CBX3: variants seen among roughly 807,000 people sequenced by gnomAD.
CBX3 encodes chromobox 3.
Under a neutral mutation model 22.6 loss-of-function variants are expected in CBX3, and 5 were observed. That is an observed-to-expected ratio of 0.22 (90% CI 0.12 to 0.47). The LOEUF is 0.47. Among genes scored for constraint, CBX3 ranks in the 20% least tolerant of loss-of-function variants. The pLI, the probability that CBX3 is intolerant of heterozygous loss-of-function variation, is 0.99. For synonymous variants in CBX3, 50 were observed against 66.6 expected, an observed-to-expected ratio of 0.75 and a Z score of 1.21; for missense variants, 83 against 208.1, an observed-to-expected ratio of 0.40 and a Z score of 3.70.
intron 4 of CBX3, among the ~76,000 whole-genome samples, chr7:26,209,533 G>A (rs964557055): frequency 2.6e-5 from 4 of 152,150 alleles, no homozygotes; most frequent in Middle Eastern, 3.4e-3. Context: ...TCCATCAATG[G>A]CATTGACCAC....
upstream of CBX3, chr7:26,201,640 C>T (rs1481587754): frequency 1.4e-5 from 2 of 146,468 alleles, no homozygotes; most frequent in African/African-American, 5.0e-5. Context: ...CGGCCCCTCC[C>T]CCCGCCGGGC....
intron 2 of CBX3, among the ~76,000 whole-genome samples, chr7:26,204,604 C>T (rs1341338824): frequency 6.6e-6 from 1 of 152,018 alleles, no homozygotes; most frequent in Non-Finnish European, 1.5e-5. Context: ...CTTGAAATGC[C>T]CTTTTGCAGT....
At chr7:26,203,231 A>C (rs1432032392) in intron 2 of CBX3, among the ~76,000 whole-genome samples, 2 of 152,242 alleles carry the variant, frequency 1.3e-5, no homozygotes, top group African/African-American at 2.4e-5. Context: ...AGTTCAAAGA[A>C]GGCTAATCTT....
At chr7:26,202,362 G>A (rs1030841722) in intron 1 of CBX3, 1 of 152,392 alleles carries the variant, frequency 6.6e-6, no homozygotes, top group Non-Finnish European at 1.5e-5. Flanking sequence ...CGCTGACCAC[G>A]AGGCCCGCGC....
intron 4 of CBX3, among the ~76,000 whole-genome samples, chr7:26,211,269 T>G (rs1450507594): frequency 6.6e-6 from 1 of 152,182 alleles, no homozygotes; most frequent in African/African-American, 2.4e-5. Context: ...CCGTTTGTGT[T>G]TTGTTTATGC....
chr7:26,205,594 TG>T (rs1459653625), intron 2 of CBX3, among the ~76,000 whole-genome samples: 1 of 152,176 alleles, frequency 6.6e-6, no homozygotes, highest in African/African-American at 2.4e-5. Context: ...TCTGTATCAT[TG>T]ATGCTTTTGA....
At position 26,208,238 on chromosome 7, in the gene CBX3, G is replaced by C. The variant is rs539412704; in HGVS notation, c.168-155G>C. ...CCCTGTCTCTGGCGGAGGCAGGCTGGGGGGTGGGGTAATGTAGGGAAGGAG... is the reference window on the plus strand; with the variant it reads ...CCCTGTCTCTGGCGGAGGCAGGCTGCGGGGTGGGGTAATGTAGGGAAGGAG... On this transcript the variant is annotated intron_variant, in intron 3 of 5. Transcript: ENST00000396386. 2.6e-5 allele frequency: 13 copies of C among 509,524 alleles called. No homozygotes were observed. In the Admixed American group the frequency reaches 2.6e-4, roughly 10 times the overall value. 31.6% of individuals were successfully genotyped at this position (509,524 alleles called of 1,614,324 possible). A position where few individuals can be genotyped will look rare whatever the true frequency, so the allele number is the denominator to read the frequency against.
chr7:26,207,155 G>C (rs1297526702), intron 3 of CBX3, among the ~76,000 whole-genome samples: 2 of 152,188 alleles, frequency 1.3e-5, no homozygotes, highest in Non-Finnish European at 2.9e-5. Flanking sequence ...ATTAAAAATG[G>C]ATAGGTGGAG....
rs191976883 is a variant in CBX3, at chr7:26,212,240, A to G, written c.*32A>G. 11 of 1,134,546 alleles carry G rather than the reference A, an allele frequency of 9.7e-6. No individual in the cohort carries two copies. The Admixed American group carries it at 3.8e-4, about 39-fold the overall frequency. 70.3% of individuals were successfully genotyped at this position (1,134,546 alleles called of 1,614,324 possible). On this transcript the variant is annotated 3_prime_UTR_variant, in exon 6 of 6. Coordinates refer to ENST00000396386, the MANE Select transcript of CBX3 (RefSeq NM_016587.4). The stretch of plus-strand genomic sequence containing the variant: ...ACATTGTTCTTTTATATATATTTAT[A>G]TATATATATAAAAATTGGGTCTTAG...
intron 2 of CBX3, chr7:26,205,995 A>G (rs906827941): frequency 1.8e-5 from 3 of 168,928 alleles, no homozygotes; most frequent in South Asian, 1.4e-4. Context: ...AGGCTGAGGC[A>G]TGAGAACTGC....
At chr7:26,205,220 C>T (rs1259484508) in intron 2 of CBX3, among the ~76,000 whole-genome samples, 3 of 152,066 alleles carry the variant, frequency 2.0e-5, no homozygotes, top group African/African-American at 7.2e-5. Flanking sequence ...ATTTTTAGTC[C>T]TCTCATAGGA....
At chr7:26,204,291 TTA>T (rs1784624277) in intron 2 of CBX3, among the ~76,000 whole-genome samples, 2 of 152,150 alleles carry the variant, frequency 1.3e-5, no homozygotes, top group Admixed American at 1.3e-4. Flanking sequence ...ATTGTTGACT[TTA>T]TTTTGTTAGC....
intron 5 of CBX3, 138 bp from the exon 6 acceptor site, chr7:26,211,944 G>T: frequency 1.1e-6 from 1 of 893,564 alleles, no homozygotes; most frequent in Non-Finnish European, 1.6e-6. Context: ...AAGTTTATTA[G>T]AACATAGCAA....
chr7:26,207,776 C>G (rs1166665064), intron 3 of CBX3, among the ~76,000 whole-genome samples: 1 of 151,946 alleles, frequency 6.6e-6, no homozygotes, highest in Non-Finnish European at 1.5e-5. Context: ...CCTTGGCCTC[C>G]CAAAGTGCTG....
rs1784841199 is a variant in CBX3, at chr7:26,212,892, G to A, written c.*684G>A. On this transcript the variant is annotated 3_prime_UTR_variant, in exon 6 of 6. Transcript: ENST00000396386. ...GAAAAATTTTATCACTGCCATCACA[G>A]CAGGTTTCCTCATCCAGATGAGGAA... 3 of 152,270 alleles carry A rather than the reference G, an allele frequency of 2.0e-5. No individual in the cohort carries two copies. In the South Asian group the frequency reaches 6.2e-4, roughly 31 times the overall value. 9.4% of individuals were successfully genotyped at this position (152,270 alleles called of 1,614,324 possible).
chr7:26,207,840 A>G (rs957158054), intron 3 of CBX3, among the ~76,000 whole-genome samples: 1 of 151,864 alleles, frequency 6.6e-6, no homozygotes, highest in Non-Finnish European at 1.5e-5. Context: ...AATGAAAATA[A>G]TACTACAGAG....
intron 3 of CBX3, 29 bp from the exon 4 acceptor site, chr7:26,208,364 C>CTTTTT: frequency 8.5e-7 from 1 of 1,179,006 alleles, no homozygotes; most frequent in Non-Finnish European, 1.2e-6. Flanking sequence ...ATTCAATCAC[C>CTTTTT]TTTTTTTTTT....
chr7:26,209,841 A>G (rs955946555), intron 4 of CBX3: 2 of 152,238 alleles, frequency 1.3e-5, no homozygotes, highest in Admixed American at 1.3e-4. Context: ...AGGCTCAGGC[A>G]CTAAACATGA....
At chr7:26,205,210 A>AT (rs563860877) in intron 2 of CBX3, among the ~76,000 whole-genome samples, 227 of 152,074 alleles carry the variant, frequency 1.5e-3, no homozygotes, top group African/African-American at 5.2e-3. Flanking sequence ...AATTTTCCCC[A>AT]TTTTTAGTCC....
Sources: gnomAD v4.1 joint callset for allele counts (sites outside exome capture counted in the v4.1 genomes callset) on GRCh38, gnomAD v4.1.1 for gene constraint, MANE v1.5 for transcripts, NCBI Gene and HGNC (gene_info 2026-07-23, HGNC 2026-07-21) for gene names.